FMOD: variants seen among roughly 807,000 people sequenced by gnomAD.
FMOD encodes the protein fibromodulin.
Under a neutral mutation model 27.0 loss-of-function variants are expected in FMOD, and 15 were observed. That is an observed-to-expected ratio of 0.55 (90% confidence interval 0.37 to 0.85). FMOD has a LOEUF of 0.85. Ranked by LOEUF, FMOD falls within the 40% of genes least tolerant of loss-of-function variation. The pLI, the probability that FMOD is intolerant of heterozygous loss-of-function variation, is 0.00. For missense variants in FMOD, 460 were observed against 483.2 expected (o/e 0.95, Z 0.45); for synonymous variants, 210 against 214.0 (o/e 0.98, Z 0.16).
Position 203,347,345 on chromosome 1 carries a change from G to A in FMOD, c.926C>T (p.Pro309Leu), listed in dbSNP as rs745682104. Residue 309 changes from proline (P) to leucine (L), a missense_variant, in exon 2 of 3, where the codon CCC becomes CTC. By Grantham distance (98) the Pro-to-Leu change is moderately conservative. Coordinates refer to ENST00000354955, the MANE Select transcript of FMOD (RefSeq NM_002023.5). ...DLSYNQLQKIPPVNTNLENLY... is the reference protein window; with the variant it reads ...DLSYNQLQKILPVNTNLENLY... ...GTTCTCCAGGTTGGTGTTGACTGGG[G>A]GGATCTTCTGCAGCTGGTTGTAGGA... 1 of 1,614,092 alleles carries A rather than the reference G, an allele frequency of 6.2e-7. No homozygotes were observed.
At chr1:203,346,383 C>T (rs941044492) in intron 2 of FMOD, among the ~76,000 whole-genome samples, 4 of 151,772 alleles carry the variant, frequency 2.6e-5, no homozygotes, top group African/African-American at 4.8e-5. Flanking sequence ...ACATCAGAAG[C>T]CCTGGGGTAA....
rs1658991401 is a variant in FMOD, at chr1:203,351,112, G to C, written c.-87C>G. 6.6e-6 allele frequency: 1 copy of C among 152,248 alleles called. No individual in the cohort carries two copies. Among genetic ancestry groups the C allele is most frequent in the Non-Finnish European group, 1.5e-5 (1 of 68,078 alleles). 9.4% of individuals were successfully genotyped at this position (152,248 alleles called of 1,614,324 possible). On this transcript the variant is annotated 5_prime_UTR_variant, in exon 1 of 3. Transcript: ENST00000354955. ...TTGGAGAACGTGTGAGAGAGGAAGA[G>C]AGAGAGGAGTGAAAGAGTCTACTGA...
In FMOD at chr1:203,342,359, C is replaced by A; in HGVS notation, c.1115G>T (p.Ser372Ile). The A allele has an allele frequency of 1.2e-6, 2 of 1,612,340 alleles. No individual in the cohort carries two copies. The highest frequency in any genetic ancestry group is 1.7e-6 in the Non-Finnish European group (2 of 1,178,748). ...ADAPLCLRLA[S>I]LIEI ...CAGGGCTGCTCAGATCTCGATGAGG[C>A]TGGCAAGGCGCAGGCAGAGGGGCGC... The change falls in exon 3 of 3, where the codon AGC becomes ATC. Residue 372 changes from serine to isoleucine, a missense_variant. Ser to Ile is a moderately radical substitution (Grantham distance 142). Coordinates refer to ENST00000354955, the MANE Select transcript of FMOD (RefSeq NM_002023.5).
At position 203,347,831 on chromosome 1, in the gene FMOD, C is replaced by T. The variant is rs144280314; in HGVS notation, c.440G>A (p.Gly147Asp). Residue 147 changes from glycine (G) to aspartate (D), a missense_variant, in exon 2 of 3, where the codon GGC becomes GAC. By Grantham distance (94) the Gly-to-Asp change is moderately conservative. Coordinates refer to ENST00000354955, the MANE Select transcript of FMOD (RefSeq NM_002023.5). Reference protein sequence around the residue: ...HGNQITSDKVGRKVFSKLRHL... With the variant: ...HGNQITSDKVDRKVFSKLRHL... ...CCTCAGCTTGGAGAAGACCTTCCTG[C>T]CCACCTTATCACTGGTGATCTGGTT... 1.6e-3 allele frequency: 2,522 copies of T among 1,614,052 alleles called. 7 individuals carry two copies. Among genetic ancestry groups the T allele is most frequent in the Non-Finnish European group, 1.4e-3 (1,616 of 1,180,040 alleles).
Position 203,341,979 on chromosome 1 carries a change from C to G in FMOD, c.*364G>C, listed in dbSNP as rs1225643859. ...GCTGTCAAGTGCTGCTCACAGACAG[C>G]CAGGGATTGTTAGAAAAGTATGGTT... On this transcript the variant is annotated 3_prime_UTR_variant, in exon 3 of 3. Coordinates refer to ENST00000354955, the MANE Select transcript of FMOD (RefSeq NM_002023.5). The G allele has an allele frequency of 2.7e-5, 5 of 183,120 alleles. No individual in the cohort carries two copies. Among genetic ancestry groups the G allele is most frequent in the Non-Finnish European group, 5.6e-5 (5 of 88,510 alleles). The allele number at this position is 183,120 out of a possible 1,614,324, so 11.3% of individuals were successfully genotyped here.
In FMOD at chr1:203,347,299, C is replaced by A. The variant is rs752198789; in HGVS notation, c.972G>T (p.Arg324Ser). The A allele has an allele frequency of 3.7e-6, 6 of 1,609,784 alleles. No individual in the cohort carries two copies. The South Asian group carries it at 6.7e-5, about 18-fold the overall frequency. ...NLENLYLQGN[R>S]INEFSISSFC... ...CCTTTGCCAAGGTCTCACCATTGATCCTATTGCCTTGGAGGTAGAGGTTCT... is the reference window on the plus strand; with the variant it reads ...CCTTTGCCAAGGTCTCACCATTGATACTATTGCCTTGGAGGTAGAGGTTCT... The change falls in exon 2 of 3, where the codon AGG becomes AGT. Residue 324 changes from arginine (R) to serine (S), a missense_variant. By Grantham distance (110) the Arg-to-Ser change is moderately radical (BLOSUM62 -1). Coordinates refer to ENST00000354955, the MANE Select transcript of FMOD (RefSeq NM_002023.5).
Position 203,348,143 on chromosome 1 carries a change from T to C in FMOD, c.128A>G (p.Asp43Gly), listed in dbSNP as rs1204405191. Residue 43 changes from aspartate to glycine, a missense_variant, in exon 2 of 3, where the codon GAC becomes GGC. Transcript: ENST00000354955. ...CTCGTAGGTCTCATACGGGTAAGGG[T>C]CATAGGGATCGTAGTAGGTGGACTG... ...SQQSTYYDPY[D>G]PYPYETYEPY... The C allele has an allele frequency of 2.5e-6, 4 of 1,613,742 alleles. No individual in the cohort carries two copies. The highest frequency in any genetic ancestry group is 3.4e-6 in the Non-Finnish European group (4 of 1,179,952).
rs751877296 is a variant in FMOD at position 203,342,423 on chromosome 1, C to T, written c.1051G>A (p.Asp351Asn). 1.2e-6 allele frequency: 2 copies of T among 1,614,150 alleles called. No individual in the cohort carries two copies. Among genetic ancestry groups the T allele is most frequent in the South Asian group, 1.1e-5 (1 of 91,078 alleles). The change falls in exon 3 of 3, where the codon GAC becomes AAC. Residue 351 changes from aspartate (D) to asparagine (N), a missense_variant. By Grantham distance (23) the Asp-to-Asn change is conservative (BLOSUM62 1). Coordinates refer to ENST00000354955, the MANE Select transcript of FMOD (RefSeq NM_002023.5). ...NFSKLQVLRLDGNEIKRSAMP... is the reference protein window; with the variant it reads ...NFSKLQVLRLNGNEIKRSAMP... ...GCGCTGCGCTTGATCTCGTTCCCGT[C>T]CAGGCGCAGCACCTGCAGCTTGGAG...
In FMOD at chr1:203,350,826, A is replaced by C. The variant is rs17476264; in HGVS notation, c.-8+207T>G. 4.3e-3 allele frequency among the ~76,000 whole-genome samples: 660 copies of C among 152,292 alleles called. 3 individuals carry two copies. The highest frequency in any genetic ancestry group is 6.9e-3 in the Non-Finnish European group (472 of 68,030). On this transcript the variant is annotated intron_variant, in intron 1 of 2. Transcript: ENST00000354955. ...GAGGTCCCCTCAGCACCCATAAAGG[A>C]ACTGTAAGAGAAAGGTACAGGGCTG...
intron 2 of FMOD, among the ~76,000 whole-genome samples, chr1:203,343,328 C>G (rs1034911295): frequency 1.3e-5 from 2 of 152,334 alleles, no homozygotes; most frequent in African/African-American, 4.8e-5. Flanking sequence ...TGTTGTCCCT[C>G]TGGTTGTCCT....
At chr1:203,345,941 C>T (rs567221629) in intron 2 of FMOD, among the ~76,000 whole-genome samples, 4 of 151,434 alleles carry the variant, frequency 2.6e-5, no homozygotes, top group South Asian at 4.2e-4. Flanking sequence ...TCAATCCCCA[C>T]CTTGGGAATA....
intron 1 of FMOD, among the ~76,000 whole-genome samples, chr1:203,349,363 C>T (rs1658952600): frequency 6.6e-6 from 1 of 152,178 alleles, no homozygotes; most frequent in African/African-American, 2.4e-5. Flanking sequence ...TGTCTAGGTC[C>T]CCACATTGCT....
At position 203,348,071 on chromosome 1, in the gene FMOD, G is replaced by A; in HGVS notation, c.200C>T (p.Ser67Phe). 1 of 1,614,032 alleles carries A rather than the reference G, an allele frequency of 6.2e-7. No individual in the cohort carries two copies. The highest frequency in any genetic ancestry group is 8.5e-7 in the Non-Finnish European group (1 of 1,179,918). The change falls in exon 2 of 3, where the codon TCT becomes TTT. Residue 67 changes from serine (S) to phenylalanine (F), a missense_variant. Coordinates refer to ENST00000354955, the MANE Select transcript of FMOD (RefSeq NM_002023.5). ...VDEGPAYTYGSPSPPDPRDCP... is the reference protein window; with the variant it reads ...VDEGPAYTYGFPSPPDPRDCP... The stretch of plus-strand genomic sequence containing the variant: ...GTCGCGGGGATCTGGAGGGGATGGA[G>A]AGCCGTAGGTGTAGGCTGGCCCTTC...
Position 203,342,317 on chromosome 1 carries a change from C to T in FMOD, c.*26G>A, listed in dbSNP as rs781674354. 1.5e-5 allele frequency: 24 copies of T among 1,595,230 alleles called. No homozygotes were observed. Among genetic ancestry groups the T allele is most frequent in the Admixed American group, 5.1e-5 (3 of 58,816 alleles). On this transcript the variant is annotated 3_prime_UTR_variant, in exon 3 of 3. Coordinates refer to ENST00000354955, the MANE Select transcript of FMOD (RefSeq NM_002023.5). ...CAAGCCAAATGCCACGGGGGCTCTC[C>T]GCCCAGTACCCGGTGCCAGGGCTGC...
In FMOD at chr1:203,342,261, G is replaced by A; in HGVS notation, c.*82C>T. The A allele has an allele frequency of 6.5e-7, 1 of 1,529,000 alleles. No homozygotes were observed. Among genetic ancestry groups the A allele is most frequent in the Non-Finnish European group, 8.9e-7 (1 of 1,128,356 alleles). 94.7% of individuals were successfully genotyped at this position (1,529,000 alleles called of 1,614,324 possible). A position where few individuals can be genotyped will look rare whatever the true frequency, so the allele number is the denominator to read the frequency against. On this transcript the variant is annotated 3_prime_UTR_variant, in exon 3 of 3. Coordinates refer to ENST00000354955, the MANE Select transcript of FMOD (RefSeq NM_002023.5). ...GGACTTCTGTCACATGGTCCATCCT[G>A]GACCTTCCAGCAAAAGCCAAACCAA...
At position 203,342,250 on chromosome 1, in the gene FMOD, T is replaced by C. The variant is rs546325695; in HGVS notation, c.*93A>G. On this transcript the variant is annotated 3_prime_UTR_variant, in exon 3 of 3. Transcript: ENST00000354955. ...AGGGTGCCCGTGGACTTCTGTCACATGGTCCATCCTGGACCTTCCAGCAAA... is the reference window on the plus strand; with the variant it reads ...AGGGTGCCCGTGGACTTCTGTCACACGGTCCATCCTGGACCTTCCAGCAAA... 5 of 1,453,258 alleles carry C rather than the reference T, an allele frequency of 3.4e-6. No individual in the cohort carries two copies. Among genetic ancestry groups the C allele is most frequent in the Non-Finnish European group, 3.7e-6 (4 of 1,080,408 alleles). The allele number at this position is 1,453,258 out of a possible 1,614,324, so 90.0% of individuals were successfully genotyped here.
At chr1:203,343,419 C>A (rs1468288256) in intron 2 of FMOD, among the ~76,000 whole-genome samples, 1 of 152,224 alleles carries the variant, frequency 6.6e-6, no homozygotes, top group Admixed American at 6.5e-5. Flanking sequence ...GCTAAAACTT[C>A]AGGAGAGATG....
intron 2 of FMOD, among the ~76,000 whole-genome samples, chr1:203,347,004 A>C: frequency 6.6e-6 from 1 of 152,146 alleles, no homozygotes; most frequent in Non-Finnish European, 1.5e-5. Flanking sequence ...TCCATCCTGC[A>C]TACCCCCAAC....
intron 1 of FMOD, among the ~76,000 whole-genome samples, 190 bp from the exon 2 acceptor site, chr1:203,348,467 C>T (rs112185002): frequency 1.2e-4 from 19 of 152,302 alleles, no homozygotes; most frequent in Admixed American, 2.6e-4. Flanking sequence ...TTGGTCCAGC[C>T]GGACCATGGC....
Sources: gnomAD v4.1 joint callset for allele counts (sites outside exome capture counted in the v4.1 genomes callset) on GRCh38, gnomAD v4.1.1 for gene constraint, MANE v1.5 for transcripts, NCBI Gene and HGNC (gene_info 2026-07-23, HGNC 2026-07-21) for gene names.